The following OR2L13 variants were observed in gnomAD, a reference collection of about 807,000 sequenced individuals.
OR2L13 encodes olfactory receptor family 2 subfamily L member 13.
OR2L13 carries 14 observed loss-of-function variants against 15.3 expected under a neutral mutation model. The observed-to-expected ratio is 0.91, with a 90% confidence interval of 0.60 to 1.43. The LOEUF is 1.43. Among genes scored for constraint, OR2L13 ranks in the 40% most tolerant of loss-of-function variants. OR2L13 has a pLI of 0.00. For synonymous variants in OR2L13, 152 were observed against 142.9 expected, an observed-to-expected ratio of 1.06 and a Z score of -0.45; for missense variants, 367 against 387.9, an observed-to-expected ratio of 0.95 and a Z score of 0.45.
At chr1:248,006,473 A>G in the OR2L13 span, among the ~76,000 whole-genome samples, 2 of 152,102 alleles carry the variant, frequency 1.3e-5, no homozygotes, top group South Asian at 2.1e-4. Context: ...GAAACCATGC[A>G]TGGAGCCCTT....
chr1:248,081,723 T>C, the OR2L13 span, among the ~76,000 whole-genome samples: 1 of 152,206 alleles, frequency 6.6e-6, no homozygotes, highest in African/African-American at 2.4e-5. Flanking sequence ...CAAATGATGC[T>C]ATCTCCTGTC....
the OR2L13 span, among the ~76,000 whole-genome samples, chr1:247,967,227 G>C: frequency 6.6e-6 from 1 of 151,832 alleles, no homozygotes. Flanking sequence ...TTGTTTGTTT[G>C]TTTGTTTTTT....
chr1:248,017,571 C>A, the OR2L13 span, among the ~76,000 whole-genome samples: 2 of 152,170 alleles, frequency 1.3e-5, no homozygotes, highest in African/African-American at 4.8e-5. Context: ...AGGCTTCTGC[C>A]TTATTGGGAA....
the OR2L13 span, among the ~76,000 whole-genome samples, chr1:247,967,938 CTTTCT>C: frequency 6.6e-6 from 1 of 151,382 alleles, no homozygotes; most frequent in Non-Finnish European, 1.5e-5. Flanking sequence ...TTTCTTCTTT[CTTTCT>C]TCTTTTTCTC....
chr1:247,990,869 G>T, the OR2L13 span: 1 of 1,520,164 alleles, frequency 6.6e-7, no homozygotes, highest in African/African-American at 1.4e-5. Context: ...GTGTTTTTGA[G>T]CACCACCATT....
chr1:247,982,318 C>T, the OR2L13 span, among the ~76,000 whole-genome samples: 7 of 152,180 alleles, frequency 4.6e-5, no homozygotes, highest in African/African-American at 1.4e-4. Flanking sequence ...GAATAACTCT[C>T]TTCAAATCCT....
At chr1:248,024,727 T>C in the OR2L13 span, among the ~76,000 whole-genome samples, 2 of 152,110 alleles carry the variant, frequency 1.3e-5, no homozygotes, top group Non-Finnish European at 2.9e-5. Context: ...AGATATGTGG[T>C]GTTATTTCTG....
the OR2L13 span, among the ~76,000 whole-genome samples, chr1:248,049,075 T>C: frequency 6.6e-6 from 1 of 152,104 alleles, no homozygotes; most frequent in Non-Finnish European, 1.5e-5. Flanking sequence ...GGGAGTAAAA[T>C]CTGTGCCTCC....
the OR2L13 span, among the ~76,000 whole-genome samples, chr1:248,089,670 C>G: frequency 4.9e-3 from 743 of 152,222 alleles, 5 homozygotes; most frequent in African/African-American, 0.017. Context: ...GAGATAACAG[C>G]TTAACATTTG....
chr1:247,970,303 C>A, the OR2L13 span, among the ~76,000 whole-genome samples: 1 of 152,062 alleles, frequency 6.6e-6, no homozygotes, highest in Non-Finnish European at 1.5e-5. Flanking sequence ...CTAACCTGTA[C>A]ATTGTGCACA....
At chr1:247,943,326 T>C in the OR2L13 span, among the ~76,000 whole-genome samples, 13 of 152,244 alleles carry the variant, frequency 8.5e-5, no homozygotes, top group South Asian at 4.1e-4. Context: ...ATTTGTACTA[T>C]GTTCATTATT....
At chr1:248,020,829 C>G in the OR2L13 span, among the ~76,000 whole-genome samples, 1 of 150,634 alleles carries the variant, frequency 6.6e-6, no homozygotes, top group African/African-American at 2.4e-5. Flanking sequence ...TATACTTTAA[C>G]TTTTAGGGTA....
chr1:248,041,910 C>A, the OR2L13 span: 1 of 152,172 alleles, frequency 6.6e-6, no homozygotes, highest in Non-Finnish European at 1.5e-5. Context: ...GTTGTTGGGA[C>A]TGTAAACTAG....
the OR2L13 span, among the ~76,000 whole-genome samples, chr1:247,996,633 A>G: frequency 6.6e-6 from 1 of 152,194 alleles, no homozygotes; most frequent in Non-Finnish European, 1.5e-5. Flanking sequence ...ATATTTGCAT[A>G]CATAACCCTT....
the OR2L13 span, among the ~76,000 whole-genome samples, chr1:247,964,495 T>C: frequency 6.6e-6 from 1 of 152,212 alleles, no homozygotes; most frequent in Admixed American, 6.5e-5. Context: ...ATGATCAAAT[T>C]TATCATCCAC....
At chr1:247,974,457 GAA>G in the OR2L13 span, among the ~76,000 whole-genome samples, 1 of 151,728 alleles carries the variant, frequency 6.6e-6, no homozygotes, top group Non-Finnish European at 1.5e-5. Flanking sequence ...TTGACAGAGA[GAA>G]AAAAGAGACC....
the OR2L13 span, chr1:248,060,724 G>A: frequency 6.2e-7 from 1 of 1,613,890 alleles, no homozygotes; most frequent in Admixed American, 1.7e-5. Context: ...CATCTTATTA[G>A]GATTCTTCCC....
At chr1:248,050,735 T>C in the OR2L13 span, among the ~76,000 whole-genome samples, 19 of 152,202 alleles carry the variant, frequency 1.2e-4, no homozygotes, top group African/African-American at 4.6e-4. Context: ...ATTTCAAATA[T>C]TACATATTCT....
chr1:248,081,955 T>C, the OR2L13 span, among the ~76,000 whole-genome samples: 2 of 152,176 alleles, frequency 1.3e-5, no homozygotes, highest in African/African-American at 4.8e-5. Flanking sequence ...CAGACACTTA[T>C]ATTGAAGATA....
Sources: allele counts gnomAD v4.1 joint callset (sites outside exome capture counted in the v4.1 genomes callset), GRCh38; gene constraint gnomAD v4.1.1; transcripts MANE v1.5; gene names NCBI Gene and HGNC (gene_info 2026-07-23, HGNC 2026-07-21).